The following FAM149A variants were observed in gnomAD, a reference collection of about 807,000 sequenced individuals.
FAM149A encodes the protein family with sequence similarity 149 member A.
A neutral mutation model predicts 78.2 loss-of-function variants in FAM149A; 71 were observed. The ratio of observed to expected loss-of-function variants is 0.91; its 90% CI spans 0.75 to 1.11. The LOEUF (loss-of-function observed/expected upper bound fraction) is 1.11. FAM149A is among the 50% of genes least tolerant of loss of function. FAM149A has a pLI of 0.00. For missense variants in FAM149A, 1,036 were observed against 971.0 expected (o/e 1.07, Z -0.89); for synonymous variants, 446 against 410.5 (o/e 1.09, Z -1.04).
intron 4 of FAM149A, 53 bp from the exon 5 acceptor site, chr4:186,153,592 C>T: frequency 2.5e-6 from 4 of 1,580,788 alleles, no homozygotes; most frequent in Admixed American, 1.7e-5. Flanking sequence ...AATCTCCAAA[C>T]ATTTTCCCTT....
intron 1 of FAM149A, among the ~76,000 whole-genome samples, chr4:186,110,597 A>C (rs2099310833): frequency 8.8e-6 from 1 of 113,792 alleles, no homozygotes; most frequent in Non-Finnish European, 1.7e-5. Flanking sequence ...TCCTGTGTCC[A>C]TGTGATCTCA....
chr4:186,105,710 C>T (rs1579745520), intron 1 of FAM149A, 68 bp downstream of exon 1: 1 of 983,910 alleles, frequency 1.0e-6, no homozygotes. Flanking sequence ...GCCTGCCGCA[C>T]TCACCTTCGC....
intron 1 of FAM149A, among the ~76,000 whole-genome samples, chr4:186,139,284 A>C (rs995273179): frequency 1.1e-4 from 16 of 152,104 alleles, no homozygotes; most frequent in East Asian, 7.7e-4. Flanking sequence ...CCACTCCTCC[A>C]TGGAGCCCTG....
At chr4:186,123,978 TA>T (rs1490964253) in intron 1 of FAM149A, 3 of 985,052 alleles carry the variant, frequency 3.0e-6, no homozygotes, top group Non-Finnish European at 3.6e-6. Flanking sequence ...ACTAGATAGC[TA>T]AAATTTTCTA....
chr4:186,149,615 G>T lies in FAM149A; in HGVS notation c.700G>T (p.Ala234Ser), dbSNP rs1345853258. ...CAGCGGAAGCCATACACCCACGGGA[G>T]CCCACACCTCTTGGTCTGGGTCGGC... Residue 234 changes from alanine to serine, a missense_variant, in exon 3 of 14, where the codon GCC becomes TCC. Transcript: ENST00000389354. 2.3e-6 allele frequency: 3 copies of T among 1,289,932 alleles called. No homozygotes were observed. In the South Asian group the frequency reaches 3.7e-5, roughly 16 times the overall value. 79.9% of individuals were successfully genotyped at this position (1,289,932 alleles called of 1,614,324 possible).
chr4:186,153,598 C>G, intron 4 of FAM149A, 47 bp from the exon 5 acceptor site: 1 of 1,590,382 alleles, frequency 6.3e-7, no homozygotes, highest in Non-Finnish European at 8.6e-7. Flanking sequence ...CAAACATTTT[C>G]CCTTTGTCTG....
intron 4 of FAM149A, 115 bp from the exon 5 acceptor site, chr4:186,153,530 A>T: frequency 6.7e-7 from 1 of 1,500,186 alleles, no homozygotes; most frequent in Non-Finnish European, 9.0e-7. Flanking sequence ...CCACGTTCCC[A>T]TACACATCTT....
rs751402114 is a variant in FAM149A, at chr4:186,105,589, G to A, written c.513G>A (p.Leu171=). Residue 171 remains leucine (L), a synonymous_variant, in exon 1 of 14, where the codon CTG becomes CTA. Coordinates refer to ENST00000389354, the MANE Select transcript of FAM149A (RefSeq NM_001367768.3). ...GCCCCAGAACCCTGTTCCTTACGCTGCCTGACATCGGCGAGGAGGGGGCCT... is the reference window on the plus strand; with the variant it reads ...GCCCCAGAACCCTGTTCCTTACGCTACCTGACATCGGCGAGGAGGGGGCCT... 4.5e-5 allele frequency: 48 copies of A among 1,059,840 alleles called. No individual in the cohort carries two copies. The highest frequency in any genetic ancestry group is 5.5e-5 in the Non-Finnish European group (48 of 871,728). The allele number at this position is 1,059,840 out of a possible 1,614,324, so 65.7% of individuals were successfully genotyped here.
At chr4:186,119,310 A>T (rs10018625) in intron 1 of FAM149A, among the ~76,000 whole-genome samples, 38,311 of 152,224 alleles carry the variant, frequency 0.25, 5,297 homozygotes, top group African/African-American at 0.35. Context: ...TTTATTATGT[A>T]TTGAAAAAAG....
chr4:186,139,830 C>T (rs1323213265), intron 1 of FAM149A, among the ~76,000 whole-genome samples: 1 of 152,156 alleles, frequency 6.6e-6, no homozygotes, highest in Admixed American at 6.5e-5. Context: ...CAAAGCAAGG[C>T]CACAGTTCTG....
chr4:186,144,949 GC>G lies in FAM149A; in HGVS notation c.567-4223del, dbSNP rs1450496243. The stretch of plus-strand genomic sequence containing the variant: ...GGCGGGCGCGGGCGCGGGCGCGGGC[GC>G]GGGCGCGGGCGGGTGGGGAGCCCCA... On this transcript the variant is annotated intron_variant, in intron 1 of 13. Transcript: ENST00000389354. This position sits in a 1 kb window ranked among gnomAD's most constrained non-coding sequence, Gnocchi z 4.2. 9.4e-6 allele frequency: 9 copies of G among 955,990 alleles called. No individual in the cohort carries two copies. The African/African-American group carries it at 2.2e-4, about 24-fold the overall frequency. 59.2% of individuals were successfully genotyped at this position (955,990 alleles called of 1,614,324 possible).
chr4:186,132,989 C>T (rs1283351286), intron 1 of FAM149A: 1 of 985,240 alleles, frequency 1.0e-6, no homozygotes. Flanking sequence ...TGACGCTGTG[C>T]TCTGAGACGA....
Sources: gnomAD v4.1 joint callset for allele counts (sites outside exome capture counted in the v4.1 genomes callset) on GRCh38, gnomAD v4.1.1 for gene constraint, Gnocchi (gnomAD v3.1) non-coding constraint, MANE v1.5 for transcripts, NCBI Gene and HGNC (gene_info 2026-07-23, HGNC 2026-07-21) for gene names.